The following MVP variants were observed in gnomAD, a reference collection of about 807,000 sequenced individuals.
MVP encodes the protein major vault protein, also known as lung resistance-related protein.
A neutral mutation model predicts 83.5 loss-of-function variants in MVP; 62 were observed. The ratio of observed to expected loss-of-function variants is 0.74; its 90% CI spans 0.61 to 0.92. The LOEUF (loss-of-function observed/expected upper bound fraction) is 0.92. Among genes scored for constraint, MVP ranks in the 40% least tolerant of loss-of-function variants. MVP has a pLI of 0.00. For missense variants in MVP, 1,000 were observed against 1,203.4 expected (o/e 0.83, Z 2.50); for synonymous variants, 505 against 504.1 (o/e 1.00, Z -0.02).
intron 12 of MVP, 44 bp downstream of exon 12, chr16:29,846,023 C>T (rs781437765): frequency 1.2e-6 from 2 of 1,612,674 alleles, no homozygotes; most frequent in East Asian, 2.2e-5. Context: ...GGCCGAGGGT[C>T]TTAGGACAGC....
At chr16:29,846,407 T>A in intron 13 of MVP, 123 bp downstream of exon 13, 1 of 1,367,126 alleles carries the variant, frequency 7.3e-7, no homozygotes. Context: ...CCAAGTACTT[T>A]GCATTTGCAA....
intron 1 of MVP, among the ~76,000 whole-genome samples, chr16:29,827,170 C>A (rs903995255): frequency 2.6e-5 from 4 of 152,156 alleles, no homozygotes; most frequent in African/African-American, 7.2e-5. Flanking sequence ...TGATGTTAGA[C>A]AAGCCACCCT....
rs1276500271 is a variant in MVP at position 29,835,773 on chromosome 16, T to C, written c.647T>C (p.Val216Ala). 1 of 1,613,906 alleles carries C rather than the reference T, an allele frequency of 6.2e-7. No homozygotes were observed. Among genetic ancestry groups the C allele is most frequent in the South Asian group, 1.1e-5 (1 of 91,032 alleles). Residue 216 changes from valine (V) to alanine (A), a missense_variant, in exon 6 of 15, where the codon GTG becomes GCG. Coordinates refer to ENST00000357402, the MANE Select transcript of MVP (RefSeq NM_005115.5). The part of the protein sequence containing the change: ...PAVFEEVLDL[V>A]DAVILTEKTA... ...GTGTTTGAGGAGGTTCTGGATTTGGTGGACGCCGTCATCCTTACGGAAAAG... is the reference window on the plus strand; with the variant it reads ...GTGTTTGAGGAGGTTCTGGATTTGGCGGACGCCGTCATCCTTACGGAAAAG...
chr16:29,842,113 G>C lies in MVP; in HGVS notation c.1634+1G>C, dbSNP rs2067540948. The stretch of plus-strand genomic sequence containing the variant: ...TGCAACTGCAGCTGGCCTACAACTG[G>C]TAAAAATGGGGACAGGGCATGGGGG... On this transcript the variant is annotated splice_donor_variant, in intron 10 of 14. Coordinates refer to ENST00000357402, the MANE Select transcript of MVP (RefSeq NM_005115.5). LOFTEE classifies it high-confidence loss of function. 6.3e-7 allele frequency: 1 copy of C among 1,596,670 alleles called. No homozygotes were observed. The highest frequency in any genetic ancestry group is 1.1e-5 in the South Asian group (1 of 90,088).
At chr16:29,826,171 C>T (rs182465925) in intron 1 of MVP, 3 of 152,382 alleles carry the variant, frequency 2.0e-5, no homozygotes, top group East Asian at 1.9e-4. Context: ...ACTCTTCCCT[C>T]CTCTGCAGTC....
Position 29,844,863 on chromosome 16 carries a change from C to T in MVP, c.2005C>T (p.Gln669Ter), listed in dbSNP as rs1440675590. 1.2e-6 allele frequency: 2 copies of T among 1,600,590 alleles called. No individual in the cohort carries two copies. Among genetic ancestry groups the T allele is most frequent in the African/African-American group, 1.3e-5 (1 of 74,872 alleles). The change falls in exon 11 of 15, where the codon CAG (glutamine) becomes TAG (stop). Residue 669 changes from glutamine (Q) to a stop codon, truncating the protein, a stop_gained. Transcript: ENST00000357402. LOFTEE classifies it high-confidence loss of function. Reference protein sequence around the residue: ...QLAIEITTNSQEAAAKHEAQR... With the variant: ...QLAIEITTNS ...GGCCATCGAGATCACCACCAACTCC[C>T]AGGAAGCGGCGGCCAAGTAAGTGAG...
intron 1 of MVP, 97 bp from the exon 2 acceptor site, chr16:29,830,418 G>A (rs2067432238): frequency 9.5e-7 from 1 of 1,049,098 alleles, no homozygotes; most frequent in Non-Finnish European, 1.4e-6. Flanking sequence ...GCTGGAGGAG[G>A]TAGGGCCGTA....
At chr16:29,838,593 C>T (rs1013130972) in intron 7 of MVP, among the ~76,000 whole-genome samples, 2 of 151,914 alleles carry the variant, frequency 1.3e-5, no homozygotes, top group African/African-American at 4.8e-5. Context: ...TTTGGGAGGC[C>T]GAGGCAGGAG....
intron 12 of MVP, 75 bp from the exon 13 acceptor site, chr16:29,846,083 G>C (rs922361315): frequency 7.5e-6 from 12 of 1,604,506 alleles, no homozygotes; most frequent in Non-Finnish European, 8.5e-7. Context: ...GACAGTGCAC[G>C]GCTACAGCAT....
chr16:29,830,609 C>A lies in MVP; in HGVS notation c.60C>A (p.Asp20Glu). 1 of 1,614,060 alleles carries A rather than the reference C, an allele frequency of 6.2e-7. No homozygotes were observed. The highest frequency in any genetic ancestry group is 8.5e-7 in the Non-Finnish European group (1 of 1,180,006). ...CATACCACTATATCCATGTGCTGGACCAGAACAGCAACGTGTCCCGTGTGG... is the reference window on the plus strand; with the variant it reads ...CATACCACTATATCCATGTGCTGGAACAGAACAGCAACGTGTCCCGTGTGG... ...IPPYHYIHVL[D>E]QNSNVSRVEV... Residue 20 changes from aspartate to glutamate, a missense_variant, in exon 2 of 15, where the codon GAC (aspartate) becomes GAA (glutamate). Physicochemically the swap from Asp to Glu is conservative, Grantham distance 45. Coordinates refer to ENST00000357402, the MANE Select transcript of MVP (RefSeq NM_005115.5).
At chr16:29,821,633 G>A (rs545434646) in intron 1 of MVP, among the ~76,000 whole-genome samples, 1 of 152,324 alleles carries the variant, frequency 6.6e-6, no homozygotes, top group East Asian at 1.9e-4. Flanking sequence ...TTCTGCCTGA[G>A]AAGCCACTGC....
rs573493102 is a variant in MVP at position 29,830,491 on chromosome 16, T to A, written c.-35-24T>A. Reference sequence around the variant, plus strand: ...CACCCCAGGCTCCCCAGGTTCATCCTGTGTCGTCTCCCCCACCTACCAGTC... The same window carrying A: ...CACCCCAGGCTCCCCAGGTTCATCCAGTGTCGTCTCCCCCACCTACCAGTC... On this transcript the variant is annotated intron_variant, in intron 1 of 14. Transcript: ENST00000357402. The A allele has an allele frequency of 1.6e-5, 26 of 1,592,238 alleles. No individual in the cohort carries two copies. In the East Asian group the frequency reaches 5.8e-4, roughly 36 times the overall value.
At chr16:29,840,630 C>CT (rs2067527379) in intron 8 of MVP, among the ~76,000 whole-genome samples, 171 bp downstream of exon 8, 2 of 152,148 alleles carry the variant, frequency 1.3e-5, no homozygotes, top group African/African-American at 4.8e-5. Context: ...ATCCTTCTGC[C>CT]TTAAATGTCT....
At chr16:29,825,399 C>G (rs1379581730) in intron 1 of MVP, among the ~76,000 whole-genome samples, 3 of 152,214 alleles carry the variant, frequency 2.0e-5, no homozygotes, top group Non-Finnish European at 4.4e-5. Flanking sequence ...GTAAAATGCT[C>G]TAACTGCGCA....
intron 5 of MVP, chr16:29,834,377 T>C: frequency 2.8e-6 from 1 of 360,696 alleles, no homozygotes; most frequent in South Asian, 2.2e-5. Flanking sequence ...TCAAATACAA[T>C]TGACAAATGT....
chr16:29,835,816 T>C lies in MVP; in HGVS notation c.672+18T>C. On this transcript the variant is annotated intron_variant, in intron 6 of 14. Coordinates refer to ENST00000357402, the MANE Select transcript of MVP (RefSeq NM_005115.5). ...CGGAAAAGGTTGGTGCTCTGGGGGC[T>C]GTGGTTTAAGGGACCTGGGGCTAGG... The C allele has an allele frequency of 1.2e-6, 2 of 1,610,440 alleles. No homozygotes were observed. Among genetic ancestry groups the C allele is most frequent in the Non-Finnish European group, 8.5e-7 (1 of 1,177,912 alleles).
chr16:29,839,804 A>AAAAAT, intron 7 of MVP, among the ~76,000 whole-genome samples: 1 of 150,994 alleles, frequency 6.6e-6, no homozygotes, highest in South Asian at 2.1e-4. Flanking sequence ...AAAAAAAAAA[A>AAAAAT]AAAAGGCAGA....
intron 1 of MVP, among the ~76,000 whole-genome samples, chr16:29,829,454 CAAAAAAAA>C (rs34314929): frequency 1.9e-5 from 1 of 52,658 alleles, no homozygotes; most frequent in African/African-American, 6.8e-5. Flanking sequence ...GACTCCGTCT[CAAAAAAAA>C]AAAAAAAAAA....
intron 5 of MVP, 59 bp from the exon 6 acceptor site, chr16:29,835,645 G>A (rs1220652991): frequency 3.6e-6 from 5 of 1,396,734 alleles, no homozygotes; most frequent in Non-Finnish European, 2.0e-6. Context: ...CTGTGGGGGA[G>A]GGGTAGGTGG....
Sources: allele counts gnomAD v4.1 joint callset (sites outside exome capture counted in the v4.1 genomes callset), GRCh38; gene constraint gnomAD v4.1.1; transcripts MANE v1.5; gene names NCBI Gene and HGNC (gene_info 2026-07-23, HGNC 2026-07-21).